Variants in MMP16 observed in about 807,000 individuals in gnomAD.
MMP16 encodes matrix metallopeptidase 16.
A neutral mutation model predicts 67.8 loss-of-function variants in MMP16; 12 were observed. That is an observed-to-expected ratio of 0.18 (90% confidence interval 0.11 to 0.29). MMP16 has a LOEUF of 0.29. Among genes scored for constraint, MMP16 ranks in the 10% least tolerant of loss-of-function variants. MMP16 has a pLI of 1.00. For missense variants in MMP16, 475 were observed against 765.7 expected (o/e 0.62, Z 4.48); for synonymous variants, 249 against 255.9 (o/e 0.97, Z 0.26).
At chr8:88,093,188 A>G (rs576618037) in intron 6 of MMP16, among the ~76,000 whole-genome samples, 1 of 151,982 alleles carries the variant, frequency 6.6e-6, no homozygotes, top group South Asian at 2.1e-4. Context: ...ACTACATGCT[A>G]GCAAAACACT....
Position 88,197,230 on chromosome 8 carries a change from T to C in MMP16, c.209A>G (p.Gln70Arg). 6.2e-7 allele frequency: 1 copy of C among 1,612,432 alleles called. No homozygotes were observed. The highest frequency in any genetic ancestry group is 2.2e-5 in the East Asian group (1 of 44,756). Reference sequence around the variant, plus strand: ...CTGCTGCATGGCAGCTAGGGCAGACTGCATGGTCTCTGCAGAGCGCAGCAC... The same window carrying C: ...CTGCTGCATGGCAGCTAGGGCAGACCGCATGGTCTCTGCAGAGCGCAGCAC... ...MSVLRSAETM[Q>R]SALAAMQQFY... is the part of the protein sequence containing the mutation. Residue 70 changes from glutamine (Q) to arginine (R), a missense_variant, in exon 2 of 10, where the codon CAG becomes CGG. Gln to Arg is a conservative substitution (Grantham distance 43, BLOSUM62 1). This residue lies in a region of MMP16 where 170 missense variants were observed against 239.6 expected (regional missense o/e 0.71). Coordinates refer to ENST00000286614, the MANE Select transcript of MMP16 (RefSeq NM_005941.5).
chr8:88,172,075 T>G (rs2129714246), intron 3 of MMP16, among the ~76,000 whole-genome samples: 1 of 152,212 alleles, frequency 6.6e-6, no homozygotes. Context: ...CGCCTTGGCC[T>G]CCAAAGTGCT....
At chr8:88,176,104 G>A (rs1006587569) in intron 3 of MMP16, among the ~76,000 whole-genome samples, 1 of 152,158 alleles carries the variant, frequency 6.6e-6, no homozygotes, top group Admixed American at 6.5e-5. Context: ...TGCACACCGG[G>A]ACACTAAGAT....
At chr8:88,121,071 GTT>G (rs397974015) in intron 4 of MMP16, among the ~76,000 whole-genome samples, 5 of 137,910 alleles carry the variant, frequency 3.6e-5, no homozygotes, top group African/African-American at 1.3e-4. Context: ...CTTGCTCTCA[GTT>G]TTTTTTTTTT....
intron 1 of MMP16, among the ~76,000 whole-genome samples, chr8:88,262,144 CCAAAAA>C (rs1810397575): frequency 6.6e-6 from 1 of 152,038 alleles, no homozygotes; most frequent in Non-Finnish European, 1.5e-5. Flanking sequence ...TCCATTCTCA[CCAAAAA>C]CAAAAACAAA....
chr8:88,260,892 C>T (rs946169595), intron 1 of MMP16, among the ~76,000 whole-genome samples: 2 of 151,952 alleles, frequency 1.3e-5, no homozygotes, highest in African/African-American at 4.8e-5. Flanking sequence ...AAATTGTTTC[C>T]ATTGGATAAG....
chr8:88,184,078 A>G (rs1809028327), intron 3 of MMP16, among the ~76,000 whole-genome samples: 1 of 151,826 alleles, frequency 6.6e-6, no homozygotes, highest in Non-Finnish European at 1.5e-5. Context: ...ATTCCTACTT[A>G]CCAAAAATGG....
intron 1 of MMP16, among the ~76,000 whole-genome samples, chr8:88,279,425 T>TCAGAACTAG (rs1019424615): frequency 7.9e-5 from 12 of 152,320 alleles, no homozygotes; most frequent in African/African-American, 2.6e-4. Context: ...TTTCTTTTGG[T>TCAGAACTAG]CAGAACTAGT....
chr8:88,237,383 C>T (rs934020766), intron 1 of MMP16, among the ~76,000 whole-genome samples: 4 of 152,166 alleles, frequency 2.6e-5, no homozygotes, highest in Non-Finnish European at 5.9e-5. Context: ...GGCGCGGTGG[C>T]TCACGCCTGT....
At chr8:88,254,838 T>G (rs138147718) in intron 1 of MMP16, among the ~76,000 whole-genome samples, 1 of 152,110 alleles carries the variant, frequency 6.6e-6, no homozygotes, top group Non-Finnish European at 1.5e-5. Flanking sequence ...TAATAAACTG[T>G]GTATGTTACT....
chr8:88,151,330 C>A (rs940742542), intron 4 of MMP16, among the ~76,000 whole-genome samples: 3 of 149,474 alleles, frequency 2.0e-5, no homozygotes, highest in Admixed American at 6.7e-5. Flanking sequence ...CAAGGATACC[C>A]AGGAATTGAA....
chr8:88,198,986 C>A (rs1177625203), intron 1 of MMP16, among the ~76,000 whole-genome samples: 2 of 152,116 alleles, frequency 1.3e-5, no homozygotes, highest in East Asian at 3.9e-4. Context: ...AAGTCAATAC[C>A]TATTGTTAAC....
chr8:88,083,528 G>A (rs1006586896), intron 6 of MMP16, among the ~76,000 whole-genome samples: 31 of 152,164 alleles, frequency 2.0e-4, no homozygotes. Context: ...CTGCAATTGG[G>A]TATAATATAC....
chr8:88,302,329 C>A (rs1811116015), intron 1 of MMP16, among the ~76,000 whole-genome samples: 2 of 152,158 alleles, frequency 1.3e-5, no homozygotes, highest in Admixed American at 6.5e-5. Context: ...GGCATAGAAA[C>A]CCCAAAATTA....
chr8:88,167,101 A>C (rs1345551613), intron 4 of MMP16, among the ~76,000 whole-genome samples: 1 of 152,050 alleles, frequency 6.6e-6, no homozygotes, highest in Non-Finnish European at 1.5e-5. Flanking sequence ...AATCCCAGCT[A>C]CTCAGGAGGC....
At chr8:88,194,943 T>C (rs1435739260) in intron 2 of MMP16, among the ~76,000 whole-genome samples, 2 of 152,152 alleles carry the variant, frequency 1.3e-5, no homozygotes, top group Admixed American at 6.6e-5. Context: ...TGATCTTTTC[T>C]CTATAATGCC....
intron 7 of MMP16, among the ~76,000 whole-genome samples, chr8:88,071,366 C>A (rs1374310352): frequency 6.6e-6 from 1 of 151,704 alleles, no homozygotes; most frequent in East Asian, 1.9e-4. Flanking sequence ...TACCTAAGTA[C>A]CTTTAGGAAA....
intron 3 of MMP16, among the ~76,000 whole-genome samples, chr8:88,177,837 C>G (rs1808917327): frequency 6.6e-6 from 1 of 152,092 alleles, no homozygotes; most frequent in Admixed American, 6.6e-5. Flanking sequence ...GACTTAATCA[C>G]AGGATTGCAG....
intron 1 of MMP16, among the ~76,000 whole-genome samples, chr8:88,296,936 T>TAA (rs1811022616): frequency 6.6e-6 from 1 of 151,430 alleles, no homozygotes; most frequent in Non-Finnish European, 1.5e-5. Context: ...AAATAAATAA[T>TAA]TAAATAATAA....
Sources: allele counts gnomAD v4.1 joint callset (sites outside exome capture counted in the v4.1 genomes callset), GRCh38; gene constraint gnomAD v4.1.1; regional missense constraint gnomAD v4.1.1; transcripts MANE v1.5; gene names NCBI Gene and HGNC (gene_info 2026-07-23, HGNC 2026-07-21).